Variants in TBL1XR1 observed in about 807,000 individuals in gnomAD.
The protein encoded by TBL1XR1 is F-box-like/WD repeat-containing protein TBL1XR1.
TBL1XR1 carries 5 observed loss-of-function variants against 66.9 expected under a neutral mutation model. The ratio of observed to expected loss-of-function variants is 0.07; its 90% confidence interval spans 0.04 to 0.16. The LOEUF (loss-of-function observed/expected upper bound fraction) is 0.16, where lower values mean the gene tolerates loss of function less well. Among genes scored for constraint, TBL1XR1 ranks in the 10% least tolerant of loss-of-function variants. TBL1XR1 has a pLI of 1.00. For missense variants in TBL1XR1, 238 were observed against 623.2 expected, an observed-to-expected ratio of 0.38 and a Z score of 6.58; for synonymous variants, 210 against 206.0, an observed-to-expected ratio of 1.02 and a Z score of -0.17.
chr3:177,128,469 G>A (rs901231596), intron 1 of TBL1XR1, among the ~76,000 whole-genome samples: 2 of 152,096 alleles, frequency 1.3e-5, no homozygotes, highest in African/African-American at 4.8e-5. Context: ...GATCTCTCAA[G>A]CTCACGCGAT....
chr3:177,117,294 T>C (rs1268875066), intron 1 of TBL1XR1, among the ~76,000 whole-genome samples: 1 of 152,202 alleles, frequency 6.6e-6, no homozygotes, highest in Non-Finnish European at 1.5e-5. Flanking sequence ...ATGAAACTAT[T>C]GCCTAGAATA....
chr3:177,107,552 G>A (rs375098090), intron 1 of TBL1XR1, among the ~76,000 whole-genome samples: 24 of 152,108 alleles, frequency 1.6e-4, no homozygotes, highest in African/African-American at 5.3e-4. Context: ...GTTCTCATCC[G>A]GTGTTGGTTT....
At position 177,024,713 on chromosome 3, in the gene TBL1XR1, G is replaced by GAAAAAAAAAAAAAAAAAAAAAAAAAA. The variant is rs148659524; in HGVS notation, c.*784_*785insTTTTTTTTTTTTTTTTTTTTTTTTTT. On this transcript the variant is annotated 3_prime_UTR_variant, in exon 16 of 16. Transcript: ENST00000457928. Reference sequence around the variant, plus strand: ...AGCCACATCACCAAAAAACAAAAAAGAAAAAAAAAAAAAAAAAGCAAAACA... The same window carrying GAAAAAAAAAAAAAAAAAAAAAAAAAA: ...AGCCACATCACCAAAAAACAAAAAAGAAAAAAAAAAAAAAAAAAAAAAAAAAAAAAAAAAAAAAAAAAAGCAAAACA... The GAAAAAAAAAAAAAAAAAAAAAAAAAA allele has an allele frequency of 1.2e-5, 1 of 85,362 alleles. No individual in the cohort carries two copies. The highest frequency in any genetic ancestry group is 2.5e-5 in the Non-Finnish European group (1 of 39,960). The allele number at this position is 85,362 out of a possible 1,614,324, so 5.3% of individuals were successfully genotyped here.
intron 1 of TBL1XR1, among the ~76,000 whole-genome samples, chr3:177,135,422 C>T (rs1429910263): frequency 7.1e-6 from 1 of 141,372 alleles, no homozygotes; most frequent in African/African-American, 2.7e-5. Flanking sequence ...CTTGCTCTGT[C>T]GCCCAGGCTG....
chr3:177,198,559 C>T (rs77014017), upstream of TBL1XR1, among the ~76,000 whole-genome samples: 4,738 of 152,150 alleles, frequency 0.031, 251 homozygotes, highest in African/African-American at 0.11. Flanking sequence ...GGAGGCACCT[C>T]ACAGGTTTTA....
In TBL1XR1 at chr3:177,071,031, G is replaced by GTT. The variant is rs764951521; in HGVS notation, c.-45-6011_-45-6010dup. Among the ~76,000 whole-genome samples the GTT allele has an allele frequency of 4.3e-3, 451 of 104,672 alleles. 12 individuals carry two copies. The highest frequency in any genetic ancestry group is 5.8e-3 in the Non-Finnish European group (316 of 54,156). The allele number at this position is 104,672 out of a possible 152,430, so 68.7% of individuals were successfully genotyped here. On this transcript the variant is annotated intron_variant, in intron 2 of 15. Coordinates refer to ENST00000457928, the MANE Select transcript of TBL1XR1 (RefSeq NM_024665.7). Reference sequence around the variant, plus strand: ...TGGAACAGACATGTTCTGAGAATCTGTTTTTTTTTTTTTTTTTGAGACAGA... The same window carrying GTT: ...TGGAACAGACATGTTCTGAGAATCTGTTTTTTTTTTTTTTTTTTTGAGACAGA...
At chr3:177,140,865 A>G (rs1277242686) in intron 1 of TBL1XR1, among the ~76,000 whole-genome samples, 1 of 152,216 alleles carries the variant, frequency 6.6e-6, no homozygotes, top group Non-Finnish European at 1.5e-5. Flanking sequence ...CAACCTGCAT[A>G]AACATTCTTA....
At chr3:177,104,998 A>G (rs972726751) in intron 1 of TBL1XR1, among the ~76,000 whole-genome samples, 21 of 152,368 alleles carry the variant, frequency 1.4e-4, no homozygotes, top group African/African-American at 2.9e-4. Context: ...TAATGCTAAC[A>G]TAAGTCAAGT....
At chr3:177,087,878 G>T (rs997193901) in intron 2 of TBL1XR1, among the ~76,000 whole-genome samples, 5 of 152,124 alleles carry the variant, frequency 3.3e-5, no homozygotes, top group African/African-American at 1.2e-4. Context: ...TCAAAATCTA[G>T]TAAGACCAAA....
At chr3:177,160,028 T>C (rs576253211) in intron 1 of TBL1XR1, among the ~76,000 whole-genome samples, 4 of 152,188 alleles carry the variant, frequency 2.6e-5, no homozygotes, top group Non-Finnish European at 5.9e-5. Context: ...TAGATTTGCA[T>C]GTAACCCTGA....
intron 1 of TBL1XR1, among the ~76,000 whole-genome samples, chr3:177,118,444 T>C (rs1726574277): frequency 6.6e-6 from 1 of 152,152 alleles, no homozygotes; most frequent in South Asian, 2.1e-4. Context: ...TCCAAAGGCA[T>C]GACTAGATTC....
chr3:177,075,713 T>A (rs1347431439), intron 2 of TBL1XR1, among the ~76,000 whole-genome samples: 2 of 152,228 alleles, frequency 1.3e-5, no homozygotes, highest in African/African-American at 2.4e-5. Flanking sequence ...TAAGCTAGCC[T>A]CAAGCTAATT....
At chr3:177,107,836 T>C (rs900977887) in intron 1 of TBL1XR1, among the ~76,000 whole-genome samples, 1 of 152,196 alleles carries the variant, frequency 6.6e-6, no homozygotes, top group Admixed American at 6.5e-5. Context: ...AACTACTCCA[T>C]CTTACTTCTC....
At chr3:177,190,133 CAAAAAAAAAAAA>C (rs548783302) in intron 1 of TBL1XR1, among the ~76,000 whole-genome samples, 56 of 69,416 alleles carry the variant, frequency 8.1e-4, no homozygotes, top group East Asian at 1.3e-3. Context: ...AACTCCATCT[CAAAAAAAAAAAA>C]AAAAAAAAAA....
At chr3:177,178,598 G>A (rs1734432820) in intron 1 of TBL1XR1, among the ~76,000 whole-genome samples, 1 of 152,158 alleles carries the variant, frequency 6.6e-6, no homozygotes, top group Non-Finnish European at 1.5e-5. Flanking sequence ...GGTAATTCCA[G>A]CACTTTGGGA....
At chr3:177,051,301 G>A (rs1325995000) in intron 5 of TBL1XR1, among the ~76,000 whole-genome samples, 1 of 151,918 alleles carries the variant, frequency 6.6e-6, no homozygotes, top group Non-Finnish European at 1.5e-5. Context: ...CTGGGGGGTG[G>A]AGGGTGGGAG....
At chr3:177,198,708 C>A (rs1025797382), upstream of TBL1XR1, among the ~76,000 whole-genome samples, 2 of 152,128 alleles carry the variant, frequency 1.3e-5, no homozygotes, top group Non-Finnish European at 2.9e-5. Flanking sequence ...TTTGTTATTT[C>A]GCTTATTACT....
At chr3:177,094,303 T>C (rs1212366917) in intron 2 of TBL1XR1, among the ~76,000 whole-genome samples, 2 of 152,168 alleles carry the variant, frequency 1.3e-5, no homozygotes, top group Non-Finnish European at 1.5e-5. Flanking sequence ...AGAATGGCTG[T>C]AATCAAAAAA....
chr3:177,048,767 GAAT>G (rs2108485591), intron 7 of TBL1XR1, among the ~76,000 whole-genome samples: 1 of 152,272 alleles, frequency 6.6e-6, no homozygotes, highest in South Asian at 2.1e-4. Flanking sequence ...AGTTCACCGT[GAAT>G]AACACATTTT....
Sources: allele counts gnomAD v4.1 joint callset (sites outside exome capture counted in the v4.1 genomes callset), GRCh38; gene constraint gnomAD v4.1.1; transcripts MANE v1.5; gene names NCBI Gene and HGNC (gene_info 2026-07-23, HGNC 2026-07-21).